Variants in DOCK4 observed in about 807,000 individuals in gnomAD.
The protein encoded by DOCK4 is dedicator of cytokinesis 4.
DOCK4 carries 97 observed loss-of-function variants against 268.1 expected under a neutral mutation model. The ratio of observed to expected loss-of-function variants is 0.36; its 90% CI spans 0.31 to 0.43. The LOEUF (loss-of-function observed/expected upper bound fraction) is 0.43, where lower values mean the gene tolerates loss of function less well. Ranked by LOEUF, DOCK4 falls within the 20% of genes least tolerant of loss-of-function variation. The pLI is 1.00. For synonymous variants in DOCK4, 954 were observed against 887.2 expected (o/e 1.08, Z -1.34); for missense variants, 2,145 against 2,455.7 (o/e 0.87, Z 2.67).
intron 12 of DOCK4, among the ~76,000 whole-genome samples, chr7:111,930,828 T>C (rs540231981): frequency 6.6e-6 from 1 of 152,334 alleles, no homozygotes; most frequent in African/African-American, 2.4e-5. Flanking sequence ...CAACCAAGGA[T>C]ATAGATCAAG....
intron 42 of DOCK4, among the ~76,000 whole-genome samples, chr7:111,749,289 A>C (rs977295521): frequency 1.4e-4 from 21 of 152,208 alleles, no homozygotes; most frequent in African/African-American, 5.1e-4. Context: ...TGAGTAACTG[A>C]AAGTTAAAAA....
intron 1 of DOCK4, among the ~76,000 whole-genome samples, chr7:112,190,394 T>C (rs943119063): frequency 1.3e-5 from 2 of 151,254 alleles, no homozygotes; most frequent in Admixed American, 1.3e-4. Context: ...CCAGGAGGAG[T>C]AGAAAGAGAC....
intron 27 of DOCK4, chr7:111,820,869 C>T (rs1038032731): frequency 6.6e-6 from 1 of 152,158 alleles, no homozygotes; most frequent in East Asian, 1.9e-4. Flanking sequence ...CCTCACAGCC[C>T]TTCCTAGGTA....
chr7:112,072,732 T>G (rs184926995), intron 1 of DOCK4, among the ~76,000 whole-genome samples: 1 of 152,170 alleles, frequency 6.6e-6, no homozygotes, highest in Non-Finnish European at 1.5e-5. Context: ...TCCCAACAGA[T>G]AGCAACACCT....
At chr7:112,175,485 CTATCA>C (rs927074471) in intron 1 of DOCK4, among the ~76,000 whole-genome samples, 16 of 152,056 alleles carry the variant, frequency 1.1e-4, no homozygotes, top group South Asian at 6.2e-4. Context: ...ATTAATCATC[CTATCA>C]TATATCTCTA....
chr7:111,911,616 CG>C (rs1792109177), intron 13 of DOCK4, among the ~76,000 whole-genome samples: 1 of 152,142 alleles, frequency 6.6e-6, no homozygotes, highest in East Asian at 1.9e-4. Context: ...GGGACAGAAA[CG>C]AGCCTTATTC....
intron 1 of DOCK4, among the ~76,000 whole-genome samples, chr7:112,026,451 C>T (rs559764436): frequency 1.3e-5 from 2 of 152,280 alleles, no homozygotes; most frequent in East Asian, 1.9e-4. Context: ...AACTGGTCCC[C>T]GGTGCCAAAA....
At chr7:111,969,693 A>AT (rs1554398292) in intron 8 of DOCK4, among the ~76,000 whole-genome samples, 1 of 151,300 alleles carries the variant, frequency 6.6e-6, no homozygotes, top group Non-Finnish European at 1.5e-5. Flanking sequence ...AAAAAAAAAA[A>AT]TTTACTGTCT....
At chr7:111,982,886 G>A (rs1442688318) in intron 7 of DOCK4, among the ~76,000 whole-genome samples, 1 of 152,184 alleles carries the variant, frequency 6.6e-6, no homozygotes, top group Non-Finnish European at 1.5e-5. Flanking sequence ...AAGTAAAGAT[G>A]CCACATCAGA....
intron 1 of DOCK4, among the ~76,000 whole-genome samples, chr7:112,113,960 C>T (rs1363801311): frequency 6.6e-6 from 1 of 151,938 alleles, no homozygotes; most frequent in East Asian, 1.9e-4. Context: ...GCAAAGCCAT[C>T]ATTTTTCTTT....
intron 1 of DOCK4, among the ~76,000 whole-genome samples, chr7:112,201,369 A>G (rs1268491249): frequency 6.6e-6 from 1 of 152,288 alleles, no homozygotes; most frequent in East Asian, 1.9e-4. Flanking sequence ...TATTTTTTAA[A>G]TGACACTGTG....
At chr7:111,938,435 CG>C (rs1794914265) in intron 11 of DOCK4, among the ~76,000 whole-genome samples, 1 of 152,118 alleles carries the variant, frequency 6.6e-6, no homozygotes, top group Admixed American at 6.6e-5. Flanking sequence ...GAATGGAATA[CG>C]AAAGCCAGTT....
chr7:112,012,849 C>A (rs1178438558), intron 1 of DOCK4, among the ~76,000 whole-genome samples: 1 of 150,700 alleles, frequency 6.6e-6, no homozygotes, highest in Non-Finnish European at 1.5e-5. Flanking sequence ...TTTCTGATTT[C>A]TCTCTTTGAA....
chr7:112,111,861 C>T (rs1336654627), intron 1 of DOCK4, among the ~76,000 whole-genome samples: 1 of 152,166 alleles, frequency 6.6e-6, no homozygotes, highest in African/African-American at 2.4e-5. Context: ...GGGCCATTTC[C>T]AAGAGCCTCT....
intron 6 of DOCK4, 78 bp from the exon 7 acceptor site, chr7:111,984,468 A>ACTACG: frequency 1.6e-6 from 2 of 1,246,064 alleles, no homozygotes. Flanking sequence ...TTTTTACTAT[A>ACTACG]TCACTTGGAA....
chr7:111,891,658 G>A (rs972324856), intron 16 of DOCK4, among the ~76,000 whole-genome samples: 2 of 152,100 alleles, frequency 1.3e-5, no homozygotes, highest in African/African-American at 2.4e-5. Context: ...ATTTATCTAC[G>A]TATTGCCAAA....
At chr7:111,769,473 AG>A in intron 37 of DOCK4, 55 bp downstream of exon 37, 1 of 1,597,862 alleles carries the variant, frequency 6.3e-7, no homozygotes, top group Non-Finnish European at 8.6e-7. Flanking sequence ...TGAAAGGGAA[AG>A]GGACATCAAC....
chr7:111,852,672 A>T (rs937967472), intron 23 of DOCK4, among the ~76,000 whole-genome samples: 7 of 152,220 alleles, frequency 4.6e-5, no homozygotes, highest in Non-Finnish European at 1.0e-4. Context: ...ACTGCAAAAA[A>T]GTAAGTAAGG....
At position 112,100,743 on chromosome 7, in the gene DOCK4, G is replaced by A. The variant is rs188636495; in HGVS notation, c.38-96612C>T. ...CCACATTCACTCCCATATTCCTCAG[G>A]CCTGGAACATACTAGACATTCAAGT... On this transcript the variant is annotated intron_variant, in intron 1 of 52. Coordinates refer to ENST00000428084, the MANE Select transcript of DOCK4 (RefSeq NM_001363540.2). Among the ~76,000 whole-genome samples, 148 of 152,194 alleles carry A rather than the reference G, an allele frequency of 9.7e-4. 1 individual carries two copies. Among genetic ancestry groups the A allele is most frequent in the African/African-American group, 3.3e-3 (138 of 41,532 alleles).
Sources: allele counts gnomAD v4.1 joint callset (sites outside exome capture counted in the v4.1 genomes callset), GRCh38; gene constraint gnomAD v4.1.1; transcripts MANE v1.5; gene names NCBI Gene and HGNC (gene_info 2026-07-23, HGNC 2026-07-21).